SYT14: variants seen among roughly 807,000 people sequenced by gnomAD.
SYT14 encodes the protein synaptotagmin 14, also known as synaptotagmin-14.
A neutral mutation model predicts 74.2 loss-of-function variants in SYT14; 32 were observed. That is an observed-to-expected ratio of 0.43 (90% CI 0.33 to 0.58). The LOEUF is 0.58. Ranked by LOEUF, SYT14 falls within the 20% of genes least tolerant of loss-of-function variation. SYT14 has a pLI of 0.05. For missense variants in SYT14, 791 were observed against 981.8 expected, an observed-to-expected ratio of 0.81 and a Z score of 2.60; for synonymous variants, 298 against 337.7, an observed-to-expected ratio of 0.88 and a Z score of 1.29.
chr1:209,986,469 C>T (rs552788703), intron 2 of SYT14, among the ~76,000 whole-genome samples: 6 of 151,968 alleles, frequency 3.9e-5, no homozygotes, highest in African/African-American at 7.2e-5. Context: ...AAAAATTAGC[C>T]GGGCGAGGTG....
chr1:210,034,312 T>C (rs1483429471), intron 5 of SYT14, among the ~76,000 whole-genome samples: 1 of 151,806 alleles, frequency 6.6e-6, no homozygotes, highest in East Asian at 1.9e-4. Flanking sequence ...GATAACATAA[T>C]ATGAGAAAAT....
intron 2 of SYT14, among the ~76,000 whole-genome samples, chr1:210,005,135 A>G (rs1052537984): frequency 6.6e-6 from 1 of 152,016 alleles, no homozygotes; most frequent in South Asian, 2.1e-4. Flanking sequence ...CTATTGAACC[A>G]TTCAATGTTT....
At chr1:210,025,948 A>T (rs776883168) in intron 5 of SYT14, among the ~76,000 whole-genome samples, 1 of 152,192 alleles carries the variant, frequency 6.6e-6, no homozygotes, top group Non-Finnish European at 1.5e-5. Context: ...AGTCTATTTC[A>T]TACAAGATGA....
intron 5 of SYT14, among the ~76,000 whole-genome samples, chr1:210,091,245 G>A (rs2081860892): frequency 6.6e-6 from 1 of 151,994 alleles, no homozygotes; most frequent in South Asian, 2.1e-4. Flanking sequence ...GCTAGGCAAG[G>A]ACCTAATATA....
chr1:210,063,575 T>A (rs1021641291), intron 5 of SYT14, among the ~76,000 whole-genome samples: 1 of 151,906 alleles, frequency 6.6e-6, no homozygotes, highest in Admixed American at 6.6e-5. Context: ...GTTTCTTGAT[T>A]ACTTTTAATG....
chr1:210,144,627 A>G (rs145205840), intron 7 of SYT14, among the ~76,000 whole-genome samples: 1 of 152,210 alleles, frequency 6.6e-6, no homozygotes, highest in African/African-American at 2.4e-5. Context: ...TGGAAAACCA[A>G]TAGTCTATGG....
At chr1:210,014,030 T>C (rs1325452718) in intron 3 of SYT14, among the ~76,000 whole-genome samples, 2 of 152,172 alleles carry the variant, frequency 1.3e-5, no homozygotes, top group East Asian at 3.8e-4. Context: ...ATTTTAATTT[T>C]TCGTATGTAA....
At chr1:210,166,813 T>C (rs1444152565) in exon 10 of SYT14, 1 of 152,184 alleles carries the variant, frequency 6.6e-6, no homozygotes, top group African/African-American at 2.4e-5. Flanking sequence ...TACATAGTAG[T>C]ATTCATGAAA....
chr1:210,168,235 AAT>A (rs1156623567), exon 10 of SYT14: 1 of 146,242 alleles, frequency 6.8e-6, no homozygotes, highest in Admixed American at 6.6e-5. Context: ...GAAAATTTCT[AAT>A]TAATTATAAG....
intron 1 of SYT14, among the ~76,000 whole-genome samples, chr1:209,948,958 T>A (rs771462545): frequency 1.5e-4 from 23 of 152,182 alleles, no homozygotes; most frequent in Non-Finnish European, 3.2e-4. Context: ...AGTGACCAAG[T>A]AAGCATTCCC....
intron 5 of SYT14, among the ~76,000 whole-genome samples, chr1:210,025,184 G>A (rs1326359299): frequency 6.6e-6 from 1 of 152,158 alleles, no homozygotes; most frequent in Non-Finnish European, 1.5e-5. Context: ...GGGGATTTGC[G>A]TCTCCACCTG....
At chr1:210,006,756 C>T (rs943882288) in intron 2 of SYT14, among the ~76,000 whole-genome samples, 1 of 151,646 alleles carries the variant, frequency 6.6e-6, no homozygotes, top group Non-Finnish European at 1.5e-5. Flanking sequence ...AATAGTCTTA[C>T]AAAATTTATT....
At chr1:210,165,945 T>C (rs1345291042) in exon 10 of SYT14, 3 of 152,234 alleles carry the variant, frequency 2.0e-5, no homozygotes, top group African/African-American at 7.2e-5. Context: ...TTCCAAGTGC[T>C]ACAGATGCAG....
intron 7 of SYT14, among the ~76,000 whole-genome samples, chr1:210,139,619 G>T (rs897255339): frequency 1.3e-5 from 2 of 151,886 alleles, no homozygotes; most frequent in Admixed American, 6.6e-5. Context: ...TATTATCCCC[G>T]CCACGAAAAC....
chr1:209,943,641 T>A lies in SYT14; in HGVS notation c.-534+5364T>A, dbSNP rs78545731. Among the ~76,000 whole-genome samples the A allele has an allele frequency of 2.2e-3, 329 of 152,210 alleles. 1 individual carries two copies. The highest frequency in any genetic ancestry group is 0.01 in the Middle Eastern group (3 of 292). ...TGAGTAATACTATTTGCATTATCAG[T>A]TTATTTGAAAATATTATGTTCGCAC... On this transcript the variant is annotated intron_variant, in intron 1 of 9. Transcript: ENST00000637265.
intron 2 of SYT14, among the ~76,000 whole-genome samples, chr1:209,977,911 ATTC>A (rs1158963255): frequency 6.6e-6 from 1 of 152,012 alleles, no homozygotes; most frequent in East Asian, 1.9e-4. Flanking sequence ...ATTTCTTTTT[ATTC>A]TTTTTTCTCT....
intron 2 of SYT14, among the ~76,000 whole-genome samples, chr1:209,996,704 C>T (rs902429959): frequency 1.3e-5 from 2 of 152,012 alleles, no homozygotes; most frequent in African/African-American, 4.8e-5. Context: ...AACATAGACA[C>T]GAAAATCCTC....
Position 210,112,559 on chromosome 1 carries a change from G to A in SYT14, c.2034+12098G>A, listed in dbSNP as rs115783515. On this transcript the variant is annotated intron_variant, in intron 7 of 9. Coordinates refer to ENST00000637265, the Ensembl canonical transcript of SYT14. ...AGTGGGGGAGTATTTGGGAGTGACC[G>A]ATGAGAAGGAGAAAAACTGACAGTG... Among the ~76,000 whole-genome samples the A allele has an allele frequency of 9.3e-3, 1,405 of 151,262 alleles. 116 individuals are homozygous for A. Among genetic ancestry groups the A allele is most frequent in the African/African-American group, 0.032 (1,310 of 40,612 alleles).
chr1:210,079,879 G>A (rs1268286329), intron 5 of SYT14, among the ~76,000 whole-genome samples: 3 of 152,140 alleles, frequency 2.0e-5, no homozygotes, highest in African/African-American at 7.2e-5. Context: ...AATTAACATT[G>A]TAATTTTGGA....
Sources: gnomAD v4.1 joint callset for allele counts (sites outside exome capture counted in the v4.1 genomes callset) on GRCh38, gnomAD v4.1.1 for gene constraint, MANE v1.5 for transcripts, NCBI Gene and HGNC (gene_info 2026-07-23, HGNC 2026-07-21) for gene names.